The following CADM1 variants were observed in gnomAD, a reference collection of about 807,000 sequenced individuals.
The protein encoded by CADM1 is TSLC-1.
Under a neutral mutation model 53.1 loss-of-function variants are expected in CADM1, and 15 were observed. That is an observed-to-expected ratio of 0.28 (90% CI 0.19 to 0.44). The LOEUF is 0.44. Ranked by LOEUF, CADM1 falls within the 20% of genes least tolerant of loss-of-function variation. The probability of loss-of-function intolerance (pLI) is 1.00; values close to 1 mark genes in which losing one functional copy is unlikely to be tolerated. For missense variants in CADM1, 434 were observed against 611.3 expected, an observed-to-expected ratio of 0.71 and a Z score of 3.06; for synonymous variants, 281 against 243.0, an observed-to-expected ratio of 1.16 and a Z score of -1.45.
chr11:115,391,322 T>C (rs1186497521), intron 1 of CADM1, among the ~76,000 whole-genome samples: 1 of 152,246 alleles, frequency 6.6e-6, no homozygotes, highest in Non-Finnish European at 1.5e-5. Flanking sequence ...CTTCTTTACA[T>C]TCATGTTCTT....
At chr11:115,297,253 T>C (rs1245845819) in intron 1 of CADM1, among the ~76,000 whole-genome samples, 1 of 152,170 alleles carries the variant, frequency 6.6e-6, no homozygotes, top group Non-Finnish European at 1.5e-5. Flanking sequence ...TCAGAAATGG[T>C]GGAAAGCAGA....
intron 8 of CADM1, among the ~76,000 whole-genome samples, chr11:115,204,072 G>A (rs1186642697): frequency 6.6e-6 from 1 of 152,162 alleles, no homozygotes; most frequent in East Asian, 1.9e-4. Flanking sequence ...TCTTAATGAA[G>A]TAGATGTCAA....
intron 3 of CADM1, among the ~76,000 whole-genome samples, chr11:115,236,028 A>G (rs935668599): frequency 2.6e-5 from 4 of 152,206 alleles, no homozygotes; most frequent in African/African-American, 9.6e-5. Flanking sequence ...TGAGCATAAT[A>G]GTAACTATAG....
intron 1 of CADM1, among the ~76,000 whole-genome samples, chr11:115,360,633 ATC>A (rs1946001888): frequency 6.6e-6 from 1 of 152,222 alleles, no homozygotes; most frequent in African/African-American, 2.4e-5. Flanking sequence ...CAGCATTGCA[ATC>A]TCTGATTGTG....
intron 1 of CADM1, among the ~76,000 whole-genome samples, chr11:115,432,693 T>G (rs182917514): frequency 3.9e-5 from 6 of 152,286 alleles, no homozygotes; most frequent in Admixed American, 3.9e-4. Flanking sequence ...TGAGAAGGGA[T>G]TTATTGAAAT....
intron 8 of CADM1, among the ~76,000 whole-genome samples, chr11:115,206,176 G>T (rs1486215358): frequency 6.6e-6 from 1 of 152,150 alleles, no homozygotes; most frequent in Non-Finnish European, 1.5e-5. Flanking sequence ...TATGGGTACG[G>T]TTTCTGTTGA....
intron 1 of CADM1, among the ~76,000 whole-genome samples, chr11:115,263,757 T>C (rs1234764059): frequency 1.3e-5 from 2 of 152,116 alleles, no homozygotes; most frequent in East Asian, 1.9e-4. Flanking sequence ...TAAAACTAAG[T>C]TATCAAGAAC....
intron 1 of CADM1, among the ~76,000 whole-genome samples, chr11:115,293,398 A>C (rs533738204): frequency 1.2e-4 from 18 of 152,160 alleles, no homozygotes; most frequent in African/African-American, 4.1e-4. Flanking sequence ...GCGCCACTGC[A>C]CCCCAGCCTG....
intron 9 of CADM1, among the ~76,000 whole-genome samples, chr11:115,195,912 G>A (rs1940122928): frequency 6.6e-6 from 1 of 152,130 alleles, no homozygotes; most frequent in African/African-American, 2.4e-5. Flanking sequence ...GGTAAAGAAT[G>A]TATTTATAAG....
intron 1 of CADM1, among the ~76,000 whole-genome samples, chr11:115,381,131 C>T (rs1302279850): frequency 6.6e-6 from 1 of 151,802 alleles, no homozygotes; most frequent in Non-Finnish European, 1.5e-5. Context: ...CCCATCTCTA[C>T]TAAAAATACA....
At chr11:115,271,788 A>G (rs1255312995) in intron 1 of CADM1, among the ~76,000 whole-genome samples, 1 of 152,320 alleles carries the variant, frequency 6.6e-6, no homozygotes, top group African/African-American at 2.4e-5. Context: ...TCTTGGCTAA[A>G]TTTGAAAAAT....
At chr11:115,181,133 T>C (rs933917440) in intron 10 of CADM1, among the ~76,000 whole-genome samples, 1 of 120,398 alleles carries the variant, frequency 8.3e-6, no homozygotes, top group Non-Finnish European at 1.6e-5. Flanking sequence ...CTCCTCTCCA[T>C]GCCTAGACAC....
intron 1 of CADM1, among the ~76,000 whole-genome samples, chr11:115,299,097 CA>C (rs59868176): frequency 6.6e-6 from 1 of 151,980 alleles, no homozygotes. Context: ...TAGTTCTTTT[CA>C]AAAAAATATT....
At chr11:115,436,628 G>C (rs1948189779) in intron 1 of CADM1, among the ~76,000 whole-genome samples, 1 of 152,076 alleles carries the variant, frequency 6.6e-6, no homozygotes, top group Non-Finnish European at 1.5e-5. Flanking sequence ...CCCATGATTT[G>C]GCAATTTATG....
At chr11:115,279,226 T>C (rs1195951896) in intron 1 of CADM1, among the ~76,000 whole-genome samples, 1 of 152,214 alleles carries the variant, frequency 6.6e-6, no homozygotes, top group Non-Finnish European at 1.5e-5. Context: ...CACTTATTTC[T>C]AATTGTAATA....
chr11:115,435,650 T>C (rs77248134), intron 1 of CADM1, among the ~76,000 whole-genome samples: 1 of 152,126 alleles, frequency 6.6e-6, no homozygotes, highest in African/African-American at 2.4e-5. Context: ...GAAGAAGCGT[T>C]TGAACCTGGG....
At chr11:115,315,708 A>G (rs1393354784) in intron 1 of CADM1, among the ~76,000 whole-genome samples, 1 of 152,066 alleles carries the variant, frequency 6.6e-6, no homozygotes, top group Non-Finnish European at 1.5e-5. Context: ...ACCACCAAAC[A>G]AAACAAAAAT....
At position 115,181,658 on chromosome 11, in the gene CADM1, T is replaced by C. The variant is rs59585219; in HGVS notation, c.1166-2883A>G. On this transcript the variant is annotated intron_variant, in intron 10 of 11. Coordinates refer to ENST00000331581, the MANE Select transcript of CADM1 (RefSeq NM_001301043.2). ...CCTCCTGGGTTTACGTGGGAGGTGT[T>C]AATAGAGTTGTGCCTGTTCACTGAG... Among the ~76,000 whole-genome samples the C allele has an allele frequency of 1.2e-3, 183 of 152,318 alleles. 2 individuals are homozygous for C. The highest frequency in any genetic ancestry group is 4.1e-3 in the African/African-American group (169 of 41,588).
At chr11:115,250,071 T>C (rs977607721) in intron 1 of CADM1, among the ~76,000 whole-genome samples, 3 of 152,108 alleles carry the variant, frequency 2.0e-5, no homozygotes, top group African/African-American at 7.2e-5. Flanking sequence ...CCCTGGCTAA[T>C]TTTTTGTATT....
Sources: gnomAD v4.1 joint callset for allele counts (sites outside exome capture counted in the v4.1 genomes callset) on GRCh38, gnomAD v4.1.1 for gene constraint, MANE v1.5 for transcripts, NCBI Gene and HGNC (gene_info 2026-07-23, HGNC 2026-07-21) for gene names.